Variants in SLIT3 observed in about 807,000 individuals in gnomAD.
The protein encoded by SLIT3 is slit homolog 3 protein.
In SLIT3, 68 loss-of-function variants were observed where a neutral mutation model predicts 184.0. That is an observed-to-expected ratio of 0.37 (90% CI 0.30 to 0.45). SLIT3 has a LOEUF of 0.45. SLIT3 is among the 20% of genes least tolerant of loss of function. The probability of loss-of-function intolerance (pLI) is 1.00; values close to 1 mark genes in which losing one functional copy is unlikely to be tolerated. For missense variants in SLIT3, 1,707 were observed against 2,026.0 expected (o/e 0.84, Z 3.02); for synonymous variants, 831 against 828.6 (o/e 1.00, Z -0.05).
chr5:169,257,038 C>T (rs1356612019), intron 1 of SLIT3, among the ~76,000 whole-genome samples: 2 of 151,846 alleles, frequency 1.3e-5, no homozygotes, highest in African/African-American at 4.8e-5. Context: ...GACAACTCAC[C>T]AGTCTGCCAC....
rs34002967 is a variant in SLIT3, at chr5:169,000,392, C to CAAAAAA, written c.414-117062_414-117057dup. ...GGGTGACAAAAGCAAAACTCCATCT[C>CAAAAAA]AAAAAAAAAAAAAAAAAAAAAAAAA... On this transcript the variant is annotated intron_variant, in intron 4 of 35. Transcript: ENST00000519560. Among the ~76,000 whole-genome samples the CAAAAAA allele has an allele frequency of 2.6e-3, 111 of 42,196 alleles. 1 individual carries two copies. The highest frequency in any genetic ancestry group is 7.2e-3 in the African/African-American group (71 of 9,898). The allele number at this position is 42,196 out of a possible 152,430, so 27.7% of individuals were successfully genotyped here.
intron 9 of SLIT3, among the ~76,000 whole-genome samples, chr5:168,805,915 G>A (rs948450513): frequency 3.3e-5 from 5 of 152,184 alleles, no homozygotes; most frequent in African/African-American, 1.2e-4. Context: ...GACCCACTGA[G>A]GTGTCATACT....
intron 20 of SLIT3, among the ~76,000 whole-genome samples, chr5:168,732,790 T>G (rs1270288972): frequency 6.6e-6 from 1 of 152,286 alleles, no homozygotes; most frequent in South Asian, 2.1e-4. Flanking sequence ...ACTGGACTCA[T>G]ACTTTTCACC....
chr5:168,958,641 C>T (rs1161231930), intron 4 of SLIT3, among the ~76,000 whole-genome samples: 1 of 152,208 alleles, frequency 6.6e-6, no homozygotes, highest in Non-Finnish European at 1.5e-5. Flanking sequence ...CTACCACAAT[C>T]TTTGACACAA....
intron 4 of SLIT3, among the ~76,000 whole-genome samples, chr5:168,926,258 C>CA (rs1761819615): frequency 6.6e-6 from 1 of 152,158 alleles, no homozygotes; most frequent in African/African-American, 2.4e-5. Flanking sequence ...TCAGGATAGC[C>CA]AAAAAACTAT....
intron 2 of SLIT3, among the ~76,000 whole-genome samples, chr5:169,248,432 G>C (rs1446315042): frequency 1.3e-5 from 2 of 152,100 alleles, no homozygotes; most frequent in African/African-American, 4.8e-5. Context: ...GTGAATGAAT[G>C]AGCTAAGACC....
intron 4 of SLIT3, among the ~76,000 whole-genome samples, chr5:168,941,975 C>T (rs1026616742): frequency 2.0e-5 from 3 of 152,184 alleles, no homozygotes; most frequent in Non-Finnish European, 2.9e-5. Flanking sequence ...GAGAGGCTGT[C>T]ACCTTTCCTC....
intron 3 of SLIT3, among the ~76,000 whole-genome samples, chr5:169,240,584 T>C (rs1041551572): frequency 9.1e-5 from 8 of 87,506 alleles, no homozygotes; most frequent in South Asian, 2.6e-4. Context: ...ATTTTCTTTT[T>C]TTTTTTTTTT....
At chr5:169,207,045 CTTT>C (rs560234312) in intron 3 of SLIT3, among the ~76,000 whole-genome samples, 1 of 140,842 alleles carries the variant, frequency 7.1e-6, no homozygotes, top group African/African-American at 2.6e-5. Flanking sequence ...TTTCCTTATT[CTTT>C]TTTTTTTTTT....
Position 168,741,059 on chromosome 5 carries a change from C to T in SLIT3, c.2270+7243G>A, listed in dbSNP as rs142316339. Among the ~76,000 whole-genome samples, 98 of 152,310 alleles carry T rather than the reference C, an allele frequency of 6.4e-4. 1 individual carries two copies. In the East Asian group the frequency reaches 0.015, roughly 24 times the overall value. The stretch of plus-strand genomic sequence containing the variant: ...AGGGCATGACCCCAGCTCAAACTCA[C>T]GGTGGACATGAACTTTTTAGCAACT... On this transcript the variant is annotated intron_variant, in intron 20 of 35. Coordinates refer to ENST00000519560, the MANE Select transcript of SLIT3 (RefSeq NM_003062.4).
At chr5:169,054,884 A>T (rs1365550041) in intron 4 of SLIT3, among the ~76,000 whole-genome samples, 1 of 152,040 alleles carries the variant, frequency 6.6e-6, no homozygotes, top group Non-Finnish European at 1.5e-5. Context: ...GGGTCCCATT[A>T]TCTGAGTACA....
rs1270395645 is a variant in SLIT3 at position 168,962,550 on chromosome 5, GAAAGA to G, written c.414-79219_414-79215del. On this transcript the variant is annotated intron_variant, in intron 4 of 35. Transcript: ENST00000519560. ...AAAGGTCTTTGCTTAAGAAGTAGAAGAAAGAAAAGAAAAGAAAAAAAAAAAGTGAG... is the reference window on the plus strand; with the variant it reads ...AAAGGTCTTTGCTTAAGAAGTAGAAGAAAGAAAAGAAAAAAAAAAAGTGAG... Among the ~76,000 whole-genome samples, 9 of 150,120 alleles carry G rather than the reference GAAAGA, an allele frequency of 6.0e-5. No homozygotes were observed. The East Asian group carries it at 1.6e-3, about 26-fold the overall frequency.
intron 3 of SLIT3, among the ~76,000 whole-genome samples, chr5:169,240,060 C>T (rs1014421806): frequency 6.6e-6 from 1 of 151,994 alleles, no homozygotes; most frequent in Non-Finnish European, 1.5e-5. Context: ...TACTGAATCT[C>T]AAAATATTTT....
At chr5:168,668,473 A>G (rs1056803579) in intron 35 of SLIT3, among the ~76,000 whole-genome samples, 2 of 152,236 alleles carry the variant, frequency 1.3e-5, no homozygotes, top group Non-Finnish European at 2.9e-5. Context: ...GAAAAGAACC[A>G]TCCAGACTGC....
chr5:168,789,653 T>TCTGA (rs770090175), intron 10 of SLIT3, 22 bp from the exon 11 acceptor site: 2 of 1,599,926 alleles, frequency 1.3e-6, no homozygotes, highest in South Asian at 2.2e-5. Flanking sequence ...AACGGTAAAG[T>TCTGA]CTGAGAACAT....
intron 4 of SLIT3, among the ~76,000 whole-genome samples, chr5:169,186,766 C>T (rs1763352413): frequency 6.6e-6 from 1 of 152,126 alleles, no homozygotes; most frequent in South Asian, 2.1e-4. Context: ...GCAGACTAGC[C>T]AAGATGAGAG....
intron 4 of SLIT3, chr5:169,017,909 G>A (rs2113479164): frequency 6.6e-6 from 1 of 152,346 alleles, no homozygotes; most frequent in African/African-American, 2.4e-5. Flanking sequence ...TAAGCAGGAG[G>A]AAAATTCCAG....
intron 4 of SLIT3, among the ~76,000 whole-genome samples, chr5:168,979,541 C>G (rs927999231): frequency 1.3e-5 from 2 of 152,202 alleles, no homozygotes; most frequent in Non-Finnish European, 2.9e-5. Flanking sequence ...AAAGGCTGAA[C>G]TATTACACAA....
intron 12 of SLIT3, among the ~76,000 whole-genome samples, chr5:168,776,874 A>T (rs1755769556): frequency 1.3e-5 from 2 of 152,090 alleles, no homozygotes; most frequent in Non-Finnish European, 1.5e-5. Flanking sequence ...GTTTTGTTCT[A>T]AACCTTGACA....
Sources: gnomAD v4.1 joint callset for allele counts (sites outside exome capture counted in the v4.1 genomes callset) on GRCh38, gnomAD v4.1.1 for gene constraint, MANE v1.5 for transcripts, NCBI Gene and HGNC (gene_info 2026-07-23, HGNC 2026-07-21) for gene names.